Variants in PAQR5 observed in about 807,000 individuals in gnomAD.
PAQR5 encodes progestin and adipoQ receptor family member 5.
A neutral mutation model predicts 34.5 loss-of-function variants in PAQR5; 20 were observed. The ratio of observed to expected loss-of-function variants is 0.58; its 90% CI spans 0.41 to 0.84. The LOEUF (loss-of-function observed/expected upper bound fraction) is 0.84. Among genes scored for constraint, PAQR5 ranks in the 40% least tolerant of loss-of-function variants. The pLI, the probability that PAQR5 is intolerant of heterozygous loss-of-function variation, is 0.00. For missense variants in PAQR5, 378 were observed against 412.7 expected (o/e 0.92, Z 0.73); for synonymous variants, 131 against 155.6 (o/e 0.84, Z 1.18).
At position 69,319,195 on chromosome 15, in the gene PAQR5, A is replaced by G. The variant is rs1432687186; in HGVS notation, c.-276-18146A>G. The stretch of plus-strand genomic sequence containing the variant: ...TATATATATATATATATATATATAT[A>G]TATATATATATATATATGAATGTGG... On this transcript the variant is annotated intron_variant, in intron 1 of 8. Transcript: ENST00000395407. Among the ~76,000 whole-genome samples, 25 of 61,806 alleles carry G rather than the reference A, an allele frequency of 4.0e-4. 1 individual carries two copies. The highest frequency in any genetic ancestry group is 9.2e-4 in the African/African-American group (20 of 21,816). The allele number at this position is 61,806 out of a possible 152,430, so 40.5% of individuals were successfully genotyped here.
At chr15:69,359,599 C>A (rs28483623) in intron 2 of PAQR5, among the ~76,000 whole-genome samples, 7,558 of 152,154 alleles carry the variant, frequency 0.05, 627 homozygotes, top group African/African-American at 0.17. Context: ...TGTCTGTAAT[C>A]TATAGATAAC....
At chr15:69,358,858 G>A (rs770752458) in intron 2 of PAQR5, among the ~76,000 whole-genome samples, 13 of 151,808 alleles carry the variant, frequency 8.6e-5, no homozygotes, top group East Asian at 3.9e-4. Flanking sequence ...TCAACTGATC[G>A]TCCCATCTCA....
chr15:69,327,866 C>T (rs1003762642), intron 1 of PAQR5, among the ~76,000 whole-genome samples: 1 of 152,122 alleles, frequency 6.6e-6, no homozygotes, highest in Non-Finnish European at 1.5e-5. Context: ...AGGGCCCTCA[C>T]CTACCAGAGT....
rs1394930613 is a variant in PAQR5, at chr15:69,300,702, C to CTCTCTCTCTT, written c.-277+1649_-277+1650insCTCTCTTTCT. Among the ~76,000 whole-genome samples the CTCTCTCTCTT allele has an allele frequency of 5.5e-3, 36 of 6,520 alleles. 12 individuals are homozygous for CTCTCTCTCTT. The highest frequency in any genetic ancestry group is 0.037 in the East Asian group (9 of 240). 4.3% of individuals were successfully genotyped at this position (6,520 alleles called of 152,430 possible). ...TTCCTTCCTCCCTCCCTCTCTCTCT[C>CTCTCTCTCTT]TCTTTCTTTCTTTCTTTCTTTCTTT... On this transcript the variant is annotated intron_variant, in intron 1 of 8. Transcript: ENST00000395407.
chr15:69,377,955 C>G (rs2055754404), intron 3 of PAQR5, among the ~76,000 whole-genome samples: 1 of 152,040 alleles, frequency 6.6e-6, no homozygotes, highest in Non-Finnish European at 1.5e-5. Flanking sequence ...TAGTGAGACC[C>G]TGTCTCTGCA....
At chr15:69,301,969 CA>C (rs970356835) in intron 1 of PAQR5, among the ~76,000 whole-genome samples, 4 of 142,434 alleles carry the variant, frequency 2.8e-5, no homozygotes, top group African/African-American at 1.1e-4. Context: ...GGACAGCTCT[CA>C]GGGGTGGTGG....
intron 3 of PAQR5, among the ~76,000 whole-genome samples, chr15:69,366,379 A>AT (rs1383914522): frequency 7.9e-5 from 12 of 152,244 alleles, no homozygotes; most frequent in African/African-American, 2.6e-4. Context: ...AGTTGTTTCT[A>AT]TTTTTTGGAT....
At chr15:69,379,368 C>G in intron 3 of PAQR5, 1 of 947,168 alleles carries the variant, frequency 1.1e-6, no homozygotes, top group Non-Finnish European at 1.3e-6. Context: ...TTCCTGCAGC[C>G]CAGGCATCAG....
chr15:69,312,588 T>A (rs1417348922), intron 1 of PAQR5, among the ~76,000 whole-genome samples: 1 of 151,664 alleles, frequency 6.6e-6, no homozygotes, highest in Non-Finnish European at 1.5e-5. Context: ...CTCAGCCCTC[T>A]TGGTGCCTTC....
rs576376228 is a variant in PAQR5 at position 69,313,859 on chromosome 15, G to GAATGTT, written c.-277+14804_-277+14809dup. Reference sequence around the variant, plus strand: ...GCCAACAGTGAGGGTGGGGATCTGTGAATGTTGCCCCCTCTCTGCCAGCTG... The same window carrying GAATGTT: ...GCCAACAGTGAGGGTGGGGATCTGTGAATGTTAATGTTGCCCCCTCTCTGCCAGCTG... On this transcript the variant is annotated intron_variant, in intron 1 of 8. Transcript: ENST00000395407. 4.7e-4 allele frequency among the ~76,000 whole-genome samples: 71 copies of GAATGTT among 152,270 alleles called. 1 individual carries two copies. Among genetic ancestry groups the GAATGTT allele is most frequent in the African/African-American group, 1.5e-3 (62 of 41,546 alleles).
At chr15:69,388,648 G>T (rs12438002) in intron 5 of PAQR5, among the ~76,000 whole-genome samples, 2,475 of 152,342 alleles carry the variant, frequency 0.016, 77 homozygotes, top group African/African-American at 0.056. Context: ...CTGAAATCTC[G>T]CGGGCTGCCT....
chr15:69,393,859 T>G (rs1363485471), intron 6 of PAQR5, among the ~76,000 whole-genome samples: 1 of 152,214 alleles, frequency 6.6e-6, no homozygotes, highest in South Asian at 2.1e-4. Context: ...TGTCATGGAC[T>G]TTGGTTCAAA....
At chr15:69,394,369 T>C (rs888542609) in intron 6 of PAQR5, among the ~76,000 whole-genome samples, 26 of 152,134 alleles carry the variant, frequency 1.7e-4, no homozygotes, top group Admixed American at 1.5e-3. Flanking sequence ...GTTAGGGGCA[T>C]GGGGAAATGT....
At chr15:69,356,375 G>A (rs1182423388) in intron 2 of PAQR5, among the ~76,000 whole-genome samples, 1 of 152,136 alleles carries the variant, frequency 6.6e-6, no homozygotes, top group Non-Finnish European at 1.5e-5. Flanking sequence ...TTTTTGCAAA[G>A]TATTAACTTT....
At chr15:69,372,981 C>T (rs73442821) in intron 3 of PAQR5, among the ~76,000 whole-genome samples, 2,977 of 152,244 alleles carry the variant, frequency 0.02, 98 homozygotes, top group African/African-American at 0.068. Flanking sequence ...AAAATCTAGG[C>T]TTTGGTGGAT....
At chr15:69,359,660 G>GTGCC (rs2055182261) in intron 2 of PAQR5, among the ~76,000 whole-genome samples, 1 of 152,028 alleles carries the variant, frequency 6.6e-6, no homozygotes, top group African/African-American at 2.4e-5. Context: ...CCAGGGTGTG[G>GTGCC]TGCCGGCTGT....
At chr15:69,340,545 G>A (rs1158376636) in intron 2 of PAQR5, among the ~76,000 whole-genome samples, 1 of 152,128 alleles carries the variant, frequency 6.6e-6, no homozygotes, top group Admixed American at 6.5e-5. Context: ...ATGCTGCAAG[G>A]AGGCTGAAGT....
intron 6 of PAQR5, among the ~76,000 whole-genome samples, chr15:69,394,704 C>T (rs1424945139): frequency 6.6e-6 from 1 of 152,194 alleles, no homozygotes; most frequent in East Asian, 1.9e-4. Flanking sequence ...CTGCCCTAAG[C>T]CCGAGCAGGC....
At chr15:69,307,643 T>C (rs1338378656) in intron 1 of PAQR5, among the ~76,000 whole-genome samples, 1 of 152,062 alleles carries the variant, frequency 6.6e-6, no homozygotes, top group East Asian at 1.9e-4. Context: ...CTGTGGACAG[T>C]GAGAAGTGTC....
Sources: gnomAD v4.1 joint callset for allele counts (sites outside exome capture counted in the v4.1 genomes callset) on GRCh38, gnomAD v4.1.1 for gene constraint, MANE v1.5 for transcripts, NCBI Gene and HGNC (gene_info 2026-07-23, HGNC 2026-07-21) for gene names.